SMC1A: variants seen among roughly 807,000 people sequenced by gnomAD.
SMC1A encodes structural maintenance of chromosomes protein 1A.
Under a neutral mutation model 94.5 loss-of-function variants are expected in SMC1A, and 4 were observed. The ratio of observed to expected loss-of-function variants is 0.04; its 90% CI spans 0.02 to 0.10. The LOEUF (loss-of-function observed/expected upper bound fraction) is 0.10. Ranked by LOEUF, SMC1A falls within the 10% of genes least tolerant of loss-of-function variation. SMC1A has a pLI of 1.00. For synonymous variants in SMC1A, 345 were observed against 347.7 expected (o/e 0.99, Z 0.09); for missense variants, 304 against 989.0 (o/e 0.31, Z 9.29).
chrX:53,401,638 G>C (rs1435160554), intron 15 of SMC1A, among the ~76,000 whole-genome samples: 4 of 110,733 alleles, frequency 3.6e-5, no homozygotes, highest in African/African-American at 9.9e-5. Context: ...ATGCCAAGAT[G>C]AATGACACTG....
At chrX:53,393,392 CCTTACTGGAATATTGAT>C (rs1225511105) in intron 19 of SMC1A, among the ~76,000 whole-genome samples, 2 of 109,739 alleles carry the variant, frequency 1.8e-5, no homozygotes, top group Non-Finnish European at 3.8e-5. Context: ...AACATATGGA[CCTTACTGGAATATTGAT>C]CTAAACACAT....
Position 53,396,281 on chromosome X carries a change from C to T in SMC1A, c.2808G>A (p.Gln936=). ...RHNLLQACKM[Q]DIKLPLSKGT... Reference sequence around the variant, plus strand: ...CTTTTGACAGTGGCAACTTAATGTCCTGCATCTTACAGGCCTGTAGCAAGT... The same window carrying T: ...CTTTTGACAGTGGCAACTTAATGTCTTGCATCTTACAGGCCTGTAGCAAGT... The change falls in exon 18 of 25, where the codon CAG becomes CAA. Residue 936 remains glutamine, a synonymous_variant. Transcript: ENST00000322213. The T allele has an allele frequency of 8.3e-7, 1 of 1,211,236 alleles. No homozygotes were observed. Among genetic ancestry groups the T allele is most frequent in the Non-Finnish European group, 1.1e-6 (1 of 895,108 alleles).
At chrX:53,382,682 G>A (rs781789271) in intron 20 of SMC1A, 22 bp from the exon 21 acceptor site, 24 of 1,208,404 alleles carry the variant, frequency 2.0e-5, no homozygotes, top group Non-Finnish European at 2.0e-5. Flanking sequence ...AAAGACAGGA[G>A]ACCCCTCAGT....
chrX:53,421,567 G>C (rs1046242540), intron 1 of SMC1A, among the ~76,000 whole-genome samples: 1 of 111,857 alleles, frequency 8.9e-6, no homozygotes, highest in East Asian at 2.8e-4. Context: ...GTATCGTTTA[G>C]AGTTGGGAAG....
chrX:53,393,207 T>C (rs1455263425), intron 19 of SMC1A, among the ~76,000 whole-genome samples: 2 of 110,042 alleles, frequency 1.8e-5, no homozygotes, highest in Non-Finnish European at 3.8e-5. Context: ...TTATAGGAAA[T>C]ACAAGGAATA....
At chrX:53,407,170 G>GA (rs782104024) in intron 9 of SMC1A, among the ~76,000 whole-genome samples, 5 of 112,176 alleles carry the variant, frequency 4.5e-5, no homozygotes, top group Non-Finnish European at 7.5e-5. Flanking sequence ...ATGTTAATGA[G>GA]ATGATTATGG....
In SMC1A at chrX:53,374,993, C is replaced by T. The variant is rs1292515819; in HGVS notation, c.*5110G>A. 3.6e-5 allele frequency: 4 copies of T among 112,567 alleles called. No individual in the cohort carries two copies. The highest frequency in any genetic ancestry group is 7.5e-5 in the Non-Finnish European group (4 of 53,292). 9.3% of individuals were successfully genotyped at this position (112,567 alleles called of 1,213,427 possible). A position where few individuals can be genotyped will look rare whatever the true frequency, so the allele number is the denominator to read the frequency against. On this transcript the variant is annotated 3_prime_UTR_variant, in exon 25 of 25. Transcript: ENST00000322213. ...GTAAGGTGAAGTCCTTATGCCAGTCCAGCTAACAGGCCACTGGCCAGCCTA... is the reference window on the plus strand; with the variant it reads ...GTAAGGTGAAGTCCTTATGCCAGTCTAGCTAACAGGCCACTGGCCAGCCTA...
At chrX:53,383,068 G>A (rs1177738416) in intron 20 of SMC1A, 29 bp downstream of exon 20, 5 of 1,196,292 alleles carry the variant, frequency 4.2e-6, no homozygotes, top group Admixed American at 4.4e-5. Flanking sequence ...TGTCCTCATC[G>A]TAGGCCCAAG....
intron 21 of SMC1A, 37 bp downstream of exon 21, chrX:53,382,469 A>T: frequency 8.3e-7 from 1 of 1,203,638 alleles, no homozygotes; most frequent in Non-Finnish European, 1.1e-6. Context: ...ACAACTGAGG[A>T]TGGTAGCAGC....
intron 9 of SMC1A, among the ~76,000 whole-genome samples, chrX:53,408,840 T>TAAAAAAAAAAAAAAAAAAAAAAAA (rs1295569888): frequency 1.5e-5 from 1 of 67,064 alleles, no homozygotes. Flanking sequence ...GGTTGAAAAA[T>TAAAAAAAAAAAAAAAAAAAAAAAA]AAAAAAAAAA....
intron 16 of SMC1A, 28 bp from the exon 17 acceptor site, chrX:53,396,645 T>C (rs1411748806): frequency 5.0e-6 from 6 of 1,196,658 alleles, no homozygotes; most frequent in Non-Finnish European, 6.7e-6. Context: ...AACAGGACAA[T>C]AGGTGAAGAC....
chrX:53,413,454 C>T lies in SMC1A; in HGVS notation c.412-19G>A. ...CAGCACCCTAGTAAAGGTCGAAACACTCTTCCACTTCAGACCCCAGCCAAC... is the reference window on the plus strand; with the variant it reads ...CAGCACCCTAGTAAAGGTCGAAACATTCTTCCACTTCAGACCCCAGCCAAC... On this transcript the variant is annotated intron_variant, in intron 3 of 24. Coordinates refer to ENST00000322213, the MANE Select transcript of SMC1A (RefSeq NM_006306.4). 1 of 1,193,310 alleles carries T rather than the reference C, an allele frequency of 8.4e-7. No homozygotes were observed. Among genetic ancestry groups the T allele is most frequent in the Non-Finnish European group, 1.1e-6 (1 of 880,709 alleles).
intron 3 of SMC1A, 134 bp from the exon 4 acceptor site, chrX:53,413,569 C>A: frequency 1.7e-6 from 1 of 585,882 alleles, no homozygotes; most frequent in Non-Finnish European, 2.8e-6. Context: ...TCACACTGGG[C>A]TTTGAGGACA....
chrX:53,414,159 T>C (rs893270013), intron 3 of SMC1A, among the ~76,000 whole-genome samples: 1 of 105,946 alleles, frequency 9.4e-6, no homozygotes, highest in African/African-American at 3.5e-5. Flanking sequence ...GGAAAAGTAA[T>C]ATGCAAAGAC....
intron 15 of SMC1A, among the ~76,000 whole-genome samples, chrX:53,401,505 T>C (rs1385669793): frequency 8.9e-6 from 1 of 112,028 alleles, no homozygotes; most frequent in Non-Finnish European, 1.9e-5. Context: ...TATCCATTAC[T>C]GCCCACAAAT....
intron 18 of SMC1A, 40 bp from the exon 19 acceptor site, chrX:53,394,928 A>G (rs782571432): frequency 1.1e-5 from 9 of 813,129 alleles, no homozygotes; most frequent in Non-Finnish European, 1.7e-5. Flanking sequence ...CAGACTGGCC[A>G]TGAGAGTGCA....
At chrX:53,381,801 T>C (rs1296893716) in intron 22 of SMC1A, 2 of 240,876 alleles carry the variant, frequency 8.3e-6, no homozygotes, top group African/African-American at 5.7e-5. Flanking sequence ...AATCAAGCAA[T>C]ATAAGCTGCG....
intron 19 of SMC1A, among the ~76,000 whole-genome samples, chrX:53,393,632 G>GGGGTATAAA (rs2075638095): frequency 9.0e-6 from 1 of 110,809 alleles, no homozygotes; most frequent in Non-Finnish European, 1.9e-5. Context: ...ACTCCAATGG[G>GGGGTATAAA]GGGTATAAAA....
rs1569354717 is a variant in SMC1A at position 53,394,787 on chromosome X, C to T, written c.2964G>A (p.Glu988=). The change falls in exon 19 of 25, where the codon GAG becomes GAA. Residue 988 remains glutamate (E), a synonymous_variant. Coordinates refer to ENST00000322213, the MANE Select transcript of SMC1A (RefSeq NM_006306.4). The part of the protein sequence containing the change: ...LIEIDYGDLC[E]DLKDAQAEEE... Reference sequence around the variant, plus strand: ...TGTGGTTGATCCTCACCTTCAGATCCTCACACAGATCACCGTAGTCAATCT... The same window carrying T: ...TGTGGTTGATCCTCACCTTCAGATCTTCACACAGATCACCGTAGTCAATCT... 2.0e-6 allele frequency: 2 copies of T among 1,009,144 alleles called. No homozygotes were observed. Among genetic ancestry groups the T allele is most frequent in the Non-Finnish European group, 1.3e-6 (1 of 750,897 alleles). 83.2% of individuals were successfully genotyped at this position (1,009,144 alleles called of 1,213,427 possible). A position where few individuals can be genotyped will look rare whatever the true frequency, so the allele number is the denominator to read the frequency against.
Sources: gnomAD v4.1 joint callset for allele counts (sites outside exome capture counted in the v4.1 genomes callset) on GRCh38, gnomAD v4.1.1 for gene constraint, MANE v1.5 for transcripts, NCBI Gene and HGNC (gene_info 2026-07-23, HGNC 2026-07-21) for gene names.